Variants in SYMPK observed in about 807,000 individuals in gnomAD.
The protein encoded by SYMPK is symplekin.
In SYMPK, 49 loss-of-function variants were observed where a neutral mutation model predicts 136.4. The ratio of observed to expected loss-of-function variants is 0.36; its 90% CI spans 0.29 to 0.46. The LOEUF (loss-of-function observed/expected upper bound fraction) is 0.46. Ranked by LOEUF, SYMPK falls within the 20% of genes least tolerant of loss-of-function variation. The probability of loss-of-function intolerance (pLI) is 1.00; values close to 1 mark genes in which losing one functional copy is unlikely to be tolerated. For synonymous variants in SYMPK, 766 were observed against 713.0 expected (o/e 1.07, Z -1.19); for missense variants, 1,365 against 1,690.0 (o/e 0.81, Z 3.37).
chr19:45,858,660 C>T (rs532240420), intron 1 of SYMPK, among the ~76,000 whole-genome samples: 2 of 152,164 alleles, frequency 1.3e-5, no homozygotes, highest in African/African-American at 4.8e-5. Context: ...GGATTACAGG[C>T]ATGTGCCACC....
chr19:45,827,713 G>C lies in SYMPK; in HGVS notation c.2068-90C>G, dbSNP rs1971078001. On this transcript the variant is annotated intron_variant, in intron 15 of 26. Transcript: ENST00000245934. Reference sequence around the variant, plus strand: ...CTGCCTGCCTCTGATCAGGTACCTGGACAAAAGGGCCCGGTCCCTCACAAA... The same window carrying C: ...CTGCCTGCCTCTGATCAGGTACCTGCACAAAAGGGCCCGGTCCCTCACAAA... The C allele has an allele frequency of 8.7e-6, 13 of 1,493,896 alleles. No homozygotes were observed. The South Asian group carries it at 1.1e-4, about 13-fold the overall frequency. 92.5% of individuals were successfully genotyped at this position (1,493,896 alleles called of 1,614,324 possible).
intron 11 of SYMPK, among the ~76,000 whole-genome samples, chr19:45,833,771 C>G (rs1971239406): frequency 1.3e-5 from 2 of 152,172 alleles, no homozygotes; most frequent in Non-Finnish European, 2.9e-5. Flanking sequence ...CTTTCTGAGT[C>G]TCAACAAAAC....
chr19:45,822,939 C>A, intron 20 of SYMPK, 93 bp from the exon 21 acceptor site: 1 of 1,089,312 alleles, frequency 9.2e-7, no homozygotes, highest in Non-Finnish European at 1.4e-6. Context: ...CCCTGGGGAG[C>A]TGAGGGCAAG....
rs150008275 is a variant in SYMPK, at chr19:45,859,288, C to T, written c.-13+3770G>A. Reference sequence around the variant, plus strand: ...CCCCCTTTCTCACTACTGCACTTGACAAGTCTTTAAAAAAAAAAAAAAAAA... The same window carrying T: ...CCCCCTTTCTCACTACTGCACTTGATAAGTCTTTAAAAAAAAAAAAAAAAA... On this transcript the variant is annotated intron_variant, in intron 1 of 26. Transcript: ENST00000245934. Among the ~76,000 whole-genome samples, 198 of 133,766 alleles carry T rather than the reference C, an allele frequency of 1.5e-3. 3 individuals carry two copies. In the East Asian group the frequency reaches 0.038, roughly 26 times the overall value. The allele number at this position is 133,766 out of a possible 152,430, so 87.8% of individuals were successfully genotyped here.
In SYMPK at chr19:45,863,031, C is replaced by T. The variant is rs1365056135; in HGVS notation, c.-13+27G>A. 1.2e-5 allele frequency: 5 copies of T among 401,344 alleles called. No individual in the cohort carries two copies. In the East Asian group the frequency reaches 1.8e-4, roughly 14 times the overall value. The allele number at this position is 401,344 out of a possible 1,614,324, so 24.9% of individuals were successfully genotyped here. A position where few individuals can be genotyped will look rare whatever the true frequency, so the allele number is the denominator to read the frequency against. On this transcript the variant is annotated intron_variant, in intron 1 of 26. Coordinates refer to ENST00000245934, the MANE Select transcript of SYMPK (RefSeq NM_004819.3). ...TTTAGGAGCCTCCTCCTTTCGTCTC[C>T]GGGCCCAAACGCCGCCTCCCGCTCA...
At chr19:45,820,764 C>T (rs528489860) in intron 22 of SYMPK, 55 of 199,962 alleles carry the variant, frequency 2.8e-4, no homozygotes, top group Admixed American at 2.6e-3. Context: ...TTAGCTTCTG[C>T]TTGGCCCTGA....
At position 45,821,445 on chromosome 19, in the gene SYMPK, C is replaced by T; in HGVS notation, c.2832G>A (p.Glu944=). 2 of 1,614,064 alleles carry T rather than the reference C, an allele frequency of 1.2e-6. No homozygotes were observed. The highest frequency in any genetic ancestry group is 1.7e-6 in the Non-Finnish European group (2 of 1,180,024). ...CAATGTTGTGTAATGCGATCAGGAG[C>T]TCTCCAGGGTTCAGCGGGGACAAGG... The part of the protein sequence containing the change: ...NSALSPLNPG[E]LLIALHNIDS... The change falls in exon 22 of 27, where the codon GAG becomes GAA. Residue 944 remains glutamate, a synonymous_variant. Transcript: ENST00000245934. The surrounding 1 kb of genome is among the most constrained non-coding windows in gnomAD (Gnocchi z 4.4).
intron 9 of SYMPK, among the ~76,000 whole-genome samples, chr19:45,839,664 A>G (rs1971389460): frequency 6.6e-6 from 1 of 152,074 alleles, no homozygotes; most frequent in African/African-American, 2.4e-5. Flanking sequence ...CCCCGTCTCT[A>G]CTAAAAAAAA....
intron 1 of SYMPK, among the ~76,000 whole-genome samples, chr19:45,861,608 G>A (rs1971969429): frequency 6.6e-6 from 1 of 151,840 alleles, no homozygotes; most frequent in Admixed American, 6.6e-5. Flanking sequence ...GCGTGGTGGT[G>A]TGCCTGTAAT....
At chr19:45,833,001 A>G (rs2146317913) in intron 11 of SYMPK, among the ~76,000 whole-genome samples, 1 of 149,470 alleles carries the variant, frequency 6.7e-6, no homozygotes, top group Non-Finnish European at 1.5e-5. Context: ...CCTGGGCGAC[A>G]GAGTAGGACT....
chr19:45,856,754 G>T (rs1971831726), intron 1 of SYMPK, among the ~76,000 whole-genome samples: 1 of 152,086 alleles, frequency 6.6e-6, no homozygotes, highest in Non-Finnish European at 1.5e-5. Flanking sequence ...AGCTCAGGAG[G>T]TGGAGGATGC....
chr19:45,860,382 T>C (rs1971935027), intron 1 of SYMPK, among the ~76,000 whole-genome samples: 1 of 151,576 alleles, frequency 6.6e-6, no homozygotes, highest in African/African-American at 2.4e-5. Context: ...CGCTTGAATT[T>C]GGGAGGAGGA....
At chr19:45,823,966 G>C in intron 18 of SYMPK, 91 bp from the exon 19 acceptor site, 2 of 927,710 alleles carry the variant, frequency 2.2e-6, no homozygotes, top group Non-Finnish European at 3.3e-6. Context: ...GGGGCATGCT[G>C]GCGCCCAGGG....
In SYMPK at chr19:45,827,537, G is replaced by C. The variant is rs189256616; in HGVS notation, c.2154C>G (p.Leu718=). 3.7e-6 allele frequency: 6 copies of C among 1,614,066 alleles called. No individual in the cohort carries two copies. In the South Asian group the frequency reaches 6.6e-5, roughly 18 times the overall value. ...SRQFQYLHVL[L]DLSSHEKDKV... ...TGTCCTTCTCATGGGAGCTGAGGTC[G>C]AGGAGGACATGCAGGTACTGGAACT... Residue 718 remains leucine, a synonymous_variant, in exon 16 of 27, where the codon CTC becomes CTG. Coordinates refer to ENST00000245934, the MANE Select transcript of SYMPK (RefSeq NM_004819.3).
At position 45,854,166 on chromosome 19, in the gene SYMPK, G is replaced by A. The variant is rs767938712; in HGVS notation, c.171+9C>T. 2 of 1,613,946 alleles carry A rather than the reference G, an allele frequency of 1.2e-6. No individual in the cohort carries two copies. The highest frequency in any genetic ancestry group is 4.5e-5 in the East Asian group (2 of 44,894). On this transcript the variant is annotated intron_variant, in intron 3 of 26. Transcript: ENST00000245934. ...CCTGCTCAGCCCAGGATGCCCCCCG[G>A]GCCCTCACCTGTTTGAGCACTGTGA... is the stretch of plus-strand genomic sequence containing the variant.
At chr19:45,846,594 G>C (rs958036008) in intron 7 of SYMPK, among the ~76,000 whole-genome samples, 16 of 152,082 alleles carry the variant, frequency 1.1e-4, no homozygotes, top group African/African-American at 3.4e-4. Flanking sequence ...AAAACACAAA[G>C]CATGGCCTCA....
At position 45,826,266 on chromosome 19, in the gene SYMPK, G is replaced by A; in HGVS notation, c.2289C>T (p.Pro763=). Residue 763 remains proline (P), a synonymous_variant, in exon 17 of 27, where the codon CCC becomes CCT. Transcript: ENST00000245934. ...CTCCAAACAGCACAGACGGTGGGTT[G>A]GGGTGCACCAGGAGCTGCAGGTAGT... ...ALNYLQLLVH[P]NPPSVLFGAD... is the part of the protein sequence containing the mutation. The A allele has an allele frequency of 1.9e-6, 3 of 1,613,484 alleles. No individual in the cohort carries two copies. The highest frequency in any genetic ancestry group is 2.5e-6 in the Non-Finnish European group (3 of 1,179,772).
chr19:45,826,680 A>C (rs2146309019), intron 16 of SYMPK, among the ~76,000 whole-genome samples: 1 of 152,324 alleles, frequency 6.6e-6, no homozygotes, highest in South Asian at 2.1e-4. Flanking sequence ...CTCCCTGCCA[A>C]GTCTCCCTAG....
chr19:45,844,501 C>T (rs578165074), intron 7 of SYMPK, among the ~76,000 whole-genome samples: 3 of 152,172 alleles, frequency 2.0e-5, no homozygotes, highest in South Asian at 4.1e-4. Context: ...GGTAAAACCC[C>T]GTCTCTACTA....
Sources: allele counts gnomAD v4.1 joint callset (sites outside exome capture counted in the v4.1 genomes callset), GRCh38; gene constraint gnomAD v4.1.1; non-coding constraint Gnocchi (gnomAD v3.1); transcripts MANE v1.5; gene names NCBI Gene and HGNC (gene_info 2026-07-23, HGNC 2026-07-21).